The following C3orf20 variants were observed in gnomAD, a reference collection of about 807,000 sequenced individuals.
C3orf20 encodes family with sequence similarity 149 member C, also known as uncharacterized protein C3orf20.
In C3orf20, 76 loss-of-function variants were observed where a neutral mutation model predicts 88.3. That is an observed-to-expected ratio of 0.86 (90% confidence interval 0.72 to 1.04). The LOEUF (loss-of-function observed/expected upper bound fraction) is 1.04. Ranked by LOEUF, C3orf20 falls within the 50% of genes least tolerant of loss-of-function variation. The probability of loss-of-function intolerance (pLI) is 0.00; values close to 1 mark genes in which losing one functional copy is unlikely to be tolerated. For missense variants in C3orf20, 1,056 were observed against 1,123.3 expected (o/e 0.94, Z 0.86); for synonymous variants, 436 against 437.4 (o/e 1.00, Z 0.04).
intron 7 of C3orf20, among the ~76,000 whole-genome samples, chr3:14,712,782 G>A (rs1269651585): frequency 1.3e-5 from 2 of 152,074 alleles, no homozygotes; most frequent in African/African-American, 4.8e-5. Flanking sequence ...ACTGTCTAGT[G>A]TCCTTTCATT....
chr3:14,712,791 T>G (rs2033802171), intron 7 of C3orf20, among the ~76,000 whole-genome samples: 1 of 152,192 alleles, frequency 6.6e-6, no homozygotes, highest in African/African-American at 2.4e-5. Context: ...TGTCCTTTCA[T>G]TTCAGCCTGA....
In C3orf20 at chr3:14,682,863, T is replaced by G; in HGVS notation, c.150T>G (p.Thr50=). 1 of 1,614,240 alleles carries G rather than the reference T, an allele frequency of 6.2e-7. No homozygotes were observed. The highest frequency in any genetic ancestry group is 8.5e-7 in the Non-Finnish European group (1 of 1,180,036). The change falls in exon 3 of 17, where the codon ACT becomes ACG. Residue 50 remains threonine (T), a synonymous_variant. Coordinates refer to ENST00000253697, the MANE Select transcript of C3orf20 (RefSeq NM_032137.5). ...GCATCAGAAACATCTTTGAGTTCAC[T>G]TGGGAAGAGCTCATCAGTGACCCTT... is the stretch of plus-strand genomic sequence containing the variant. ...PKGIRNIFEF[T]WEELISDPSV...
chr3:14,759,924 G>A lies in C3orf20; in HGVS notation c.2278G>A (p.Asp760Asn). Residue 760 changes from aspartate (D) to asparagine (N), a missense_variant, in exon 14 of 17, where the codon GAC becomes AAC. By Grantham distance (23) the Asp-to-Asn change is conservative (BLOSUM62 1). Transcript: ENST00000253697. ...TGACTCCTACCGCCTGCTGCAGTAT[G>A]ACCTGGACAGCCCCCTGCAGGAGGA... ...RYDSYRLLQY[D>N]LDSPLQEDPP... 6.2e-7 allele frequency: 1 copy of A among 1,614,130 alleles called. No homozygotes were observed. Among genetic ancestry groups the A allele is most frequent in the Admixed American group, 1.7e-5 (1 of 60,014 alleles).
chr3:14,737,018 T>C (rs1264868753), intron 12 of C3orf20, among the ~76,000 whole-genome samples: 1 of 152,248 alleles, frequency 6.6e-6, no homozygotes, highest in Admixed American at 6.5e-5. Flanking sequence ...TTTGAAGATA[T>C]TGCATCTTTT....
At chr3:14,702,397 T>A (rs1420888712) in intron 5 of C3orf20, among the ~76,000 whole-genome samples, 1 of 150,966 alleles carries the variant, frequency 6.6e-6, no homozygotes, top group Non-Finnish European at 1.5e-5. Context: ...CCAAACCATA[T>A]CATTCTGCCC....
chr3:14,718,129 T>C (rs577552106), intron 9 of C3orf20, among the ~76,000 whole-genome samples: 3 of 152,158 alleles, frequency 2.0e-5, no homozygotes, highest in Non-Finnish European at 4.4e-5. Context: ...AAAAACCTGC[T>C]CCAATCTTTC....
chr3:14,704,064 C>T (rs11128716), intron 6 of C3orf20, among the ~76,000 whole-genome samples: 24,126 of 152,076 alleles, frequency 0.16, 2,176 homozygotes, highest in Non-Finnish European at 0.2. Flanking sequence ...CCAGGACCCA[C>T]CCCCCAACTT....
At chr3:14,746,241 T>C (rs1276438029) in intron 12 of C3orf20, among the ~76,000 whole-genome samples, 2 of 152,184 alleles carry the variant, frequency 1.3e-5, no homozygotes, top group Admixed American at 1.3e-4. Flanking sequence ...AAATGTTACA[T>C]ATTGTTTGGA....
At chr3:14,704,221 C>G in intron 6 of C3orf20, 116 bp from the exon 7 acceptor site, 2 of 1,109,464 alleles carry the variant, frequency 1.8e-6, no homozygotes, top group Non-Finnish European at 1.3e-6. Flanking sequence ...GGGATGTGTA[C>G]TTTGGGGACA....
intron 1 of C3orf20, among the ~76,000 whole-genome samples, chr3:14,675,573 A>C (rs1055351582): frequency 2.0e-4 from 31 of 152,210 alleles, no homozygotes; most frequent in Non-Finnish European, 3.4e-4. Context: ...GGCTGCATCT[A>C]TATAGTCACT....
At chr3:14,689,790 G>T (rs2032622036) in intron 4 of C3orf20, among the ~76,000 whole-genome samples, 1 of 152,162 alleles carries the variant, frequency 6.6e-6, no homozygotes, top group Non-Finnish European at 1.5e-5. Flanking sequence ...GAGAGGCACT[G>T]CAGAGGGGAA....
In C3orf20 at chr3:14,704,468, A is replaced by AC; in HGVS notation, c.1013dup (p.Pro339SerfsTer43). On this transcript the variant is annotated frameshift_variant, in exon 7 of 17. Transcript: ENST00000253697. LOFTEE classifies it high-confidence loss of function. The stretch of plus-strand genomic sequence containing the variant: ...GACTCTCAGACCCCGGGTTTACATT[A>AC]CCCTCCCACTGCAGGTGCTCAGACT... The AC allele has an allele frequency of 1.2e-6, 2 of 1,613,902 alleles. No homozygotes were observed. Among genetic ancestry groups the AC allele is most frequent in the Non-Finnish European group, 1.7e-6 (2 of 1,179,958 alleles).
chr3:14,766,157 C>T (rs993556123), intron 15 of C3orf20, among the ~76,000 whole-genome samples: 2 of 152,182 alleles, frequency 1.3e-5, no homozygotes, highest in Non-Finnish European at 2.9e-5. Context: ...GGCTTGGAGC[C>T]TCCCTGTCCC....
At chr3:14,729,187 G>A (rs952013581) in intron 12 of C3orf20, among the ~76,000 whole-genome samples, 1 of 152,202 alleles carries the variant, frequency 6.6e-6, no homozygotes, top group African/African-American at 2.4e-5. Flanking sequence ...TACAGAAAAT[G>A]TTGCCTGGCA....
chr3:14,682,936 G>A lies in C3orf20; in HGVS notation c.223G>A (p.Ala75Thr), dbSNP rs1053156108. The A allele has an allele frequency of 2.5e-6, 4 of 1,614,122 alleles. No homozygotes were observed. The highest frequency in any genetic ancestry group is 3.4e-6 in the Non-Finnish European group (4 of 1,180,028). Residue 75 changes from alanine to threonine, a missense_variant, in exon 3 of 17, where the codon GCC becomes ACC. Ala to Thr is a moderately conservative substitution (Grantham distance 58, BLOSUM62 0). Coordinates refer to ENST00000253697, the MANE Select transcript of C3orf20 (RefSeq NM_032137.5). The part of the protein sequence containing the change: ...DILGLEVSFG[A>T]PLVVLMEPTF... ...CTTGGGCCTGGAGGTCAGCTTTGGA[G>A]CCCCCCTGGTGGTGCTCATGGAACC... is the stretch of plus-strand genomic sequence containing the variant.
rs1222406126 is a variant in C3orf20, at chr3:14,704,299, C to A, written c.879-38C>A. 3 of 1,605,158 alleles carry A rather than the reference C, an allele frequency of 1.9e-6. No individual in the cohort carries two copies. In the African/African-American group the frequency reaches 4.0e-5, roughly 21 times the overall value. The stretch of plus-strand genomic sequence containing the variant: ...GAGAGCATCCCTGGTGCTTGAGAAC[C>A]AAAAGGCTAGACAATATATTGCTCT... On this transcript the variant is annotated intron_variant, in intron 6 of 16. Coordinates refer to ENST00000253697, the MANE Select transcript of C3orf20 (RefSeq NM_032137.5).
chr3:14,708,162 GC>G (rs2033599907), intron 7 of C3orf20, among the ~76,000 whole-genome samples: 7 of 152,106 alleles, frequency 4.6e-5, no homozygotes, highest in Admixed American at 4.6e-4. Context: ...TATAGGTCTT[GC>G]GGTCTTTGAA....
At chr3:14,730,495 C>T (rs1280766292) in intron 12 of C3orf20, among the ~76,000 whole-genome samples, 1 of 151,950 alleles carries the variant, frequency 6.6e-6, no homozygotes, top group East Asian at 1.9e-4. Flanking sequence ...TGCAGTGAGC[C>T]GAGATCCTGC....
rs1347351284 is a variant in C3orf20 at position 14,772,243 on chromosome 3, GC to G, written c.2630+43del. ...GCTGCCAGAATGGGCGTGGCTCACA[GC>G]AGGCCACCTCGGGGCTATTTGGCCT... is the stretch of plus-strand genomic sequence containing the variant. On this transcript the variant is annotated intron_variant, in intron 16 of 16. Coordinates refer to ENST00000253697, the MANE Select transcript of C3orf20 (RefSeq NM_032137.5). The surrounding 1 kb of genome is among the most constrained non-coding windows in gnomAD (Gnocchi z 4.2). The G allele has an allele frequency of 6.2e-7, 1 of 1,613,578 alleles. No homozygotes were observed. The highest frequency in any genetic ancestry group is 2.2e-5 in the East Asian group (1 of 44,900).
Sources: allele counts gnomAD v4.1 joint callset (sites outside exome capture counted in the v4.1 genomes callset), GRCh38; gene constraint gnomAD v4.1.1; non-coding constraint Gnocchi (gnomAD v3.1); transcripts MANE v1.5; gene names NCBI Gene and HGNC (gene_info 2026-07-23, HGNC 2026-07-21).